The following RAB11FIP3 variants were observed in gnomAD, a reference collection of about 807,000 sequenced individuals.
The protein encoded by RAB11FIP3 is RAB11 family interacting protein 3.
RAB11FIP3 carries 17 observed loss-of-function variants against 77.8 expected under a neutral mutation model. The observed-to-expected ratio is 0.22, with a 90% CI of 0.15 to 0.33. The LOEUF (loss-of-function observed/expected upper bound fraction) is 0.33, where lower values mean the gene tolerates loss of function less well. Ranked by LOEUF, RAB11FIP3 falls within the 10% of genes least tolerant of loss-of-function variation. The pLI, the probability that RAB11FIP3 is intolerant of heterozygous loss-of-function variation, is 1.00. For synonymous variants in RAB11FIP3, 437 were observed against 448.2 expected, an observed-to-expected ratio of 0.98 and a Z score of 0.31; for missense variants, 1,005 against 1,011.2, an observed-to-expected ratio of 0.99 and a Z score of 0.08.
intron 1 of RAB11FIP3, among the ~76,000 whole-genome samples, chr16:454,906 G>C (rs148467884): frequency 3.6e-4 from 55 of 151,926 alleles, no homozygotes; most frequent in South Asian, 2.9e-3. Flanking sequence ...AAAAGTTAGC[G>C]AGGCGTGGTG....
At chr16:489,110 C>T (rs532401585) in intron 5 of RAB11FIP3, 110 bp downstream of exon 5, 394 of 1,285,990 alleles carry the variant, frequency 3.1e-4, no homozygotes, top group Middle Eastern at 2.0e-3. Flanking sequence ...CTTTCCTTGA[C>T]GTCATGTGAT....
rs2032703892 is a variant in RAB11FIP3 at position 521,809 on chromosome 16, T to G, written c.*970T>G. On this transcript the variant is annotated 3_prime_UTR_variant, in exon 14 of 14. Transcript: ENST00000262305. ...ATCGGGAACCCTGTTTTCTTCTGGG[T>G]GTGTCTCACTTAGAAATCGTGGTTC... 6.6e-6 allele frequency: 1 copy of G among 152,254 alleles called. No individual in the cohort carries two copies. The highest frequency in any genetic ancestry group is 1.5e-5 in the Non-Finnish European group (1 of 68,070). 9.4% of individuals were successfully genotyped at this position (152,254 alleles called of 1,614,324 possible). A position where few individuals can be genotyped will look rare whatever the true frequency, so the allele number is the denominator to read the frequency against.
chr16:482,397 T>C, intron 3 of RAB11FIP3, 128 bp from the exon 4 acceptor site: 1 of 856,460 alleles, frequency 1.2e-6, no homozygotes, highest in Non-Finnish European at 2.0e-6. Context: ...TAGAGACAGT[T>C]GGGACTTCAG....
chr16:469,679 C>T (rs1261576949), intron 2 of RAB11FIP3, among the ~76,000 whole-genome samples: 3 of 152,202 alleles, frequency 2.0e-5, no homozygotes, highest in Non-Finnish European at 4.4e-5. Context: ...CGTGAGCCAC[C>T]ACACCCGGCC....
Position 426,219 on chromosome 16 carries a change from C to G in RAB11FIP3, c.213C>G (p.Ser71Arg). ...GAAADGGARW[S>R]AGPAPGLEGG... Reference sequence around the variant, plus strand: ...CTGCAGATGGCGGGGCGCGTTGGAGCGCCGGGCCGGCCCCGGGGCTGGAGG... The same window carrying G: ...CTGCAGATGGCGGGGCGCGTTGGAGGGCCGGGCCGGCCCCGGGGCTGGAGG... Residue 71 changes from serine (S) to arginine (R), a missense_variant, in exon 1 of 14, where the codon AGC becomes AGG. This residue lies in a region of RAB11FIP3 where 466 missense variants were observed against 408.3 expected (regional missense o/e 1.14). Coordinates refer to ENST00000262305, the MANE Select transcript of RAB11FIP3 (RefSeq NM_014700.4). This position sits in a 1 kb window ranked among gnomAD's most constrained non-coding sequence, Gnocchi z 5.0. 9.8e-7 allele frequency: 1 copy of G among 1,024,550 alleles called. No individual in the cohort carries two copies. The highest frequency in any genetic ancestry group is 1.2e-6 in the Non-Finnish European group (1 of 857,528). 63.5% of individuals were successfully genotyped at this position (1,024,550 alleles called of 1,614,324 possible).
Position 471,643 on chromosome 16 carries a change from T to A in RAB11FIP3, c.903+254T>A, listed in dbSNP as rs1249359608. On this transcript the variant is annotated intron_variant, in intron 3 of 13. Transcript: ENST00000262305. This position sits in a 1 kb window ranked among gnomAD's most constrained non-coding sequence, Gnocchi z 4.4. Reference sequence around the variant, plus strand: ...TCGCCAGCAGAAGTGGGGTGGGCAGTGATGTCATGACCACCCGCTGCCAGG... The same window carrying A: ...TCGCCAGCAGAAGTGGGGTGGGCAGAGATGTCATGACCACCCGCTGCCAGG... 1.3e-5 allele frequency among the ~76,000 whole-genome samples: 2 copies of A among 152,074 alleles called. No individual in the cohort carries two copies. The highest frequency in any genetic ancestry group is 3.9e-4 in the East Asian group (2 of 5,174).
At chr16:469,955 G>A (rs2055780256) in intron 2 of RAB11FIP3, among the ~76,000 whole-genome samples, 1 of 152,122 alleles carries the variant, frequency 6.6e-6, no homozygotes, top group African/African-American at 2.4e-5. Flanking sequence ...GACTACAGGT[G>A]TGTCCCACAA....
intron 5 of RAB11FIP3, 78 bp downstream of exon 5, chr16:489,078 C>A: frequency 1.4e-6 from 2 of 1,444,728 alleles, no homozygotes; most frequent in South Asian, 2.6e-5. Flanking sequence ...CTTTTTGGTT[C>A]GTGCATTGGT....
intron 1 of RAB11FIP3, among the ~76,000 whole-genome samples, chr16:455,211 G>A (rs777591643): frequency 6.6e-6 from 1 of 151,714 alleles, no homozygotes; most frequent in Non-Finnish European, 1.5e-5. Context: ...CAGGCGCCAT[G>A]GCTCACGCCG....
chr16:492,539 C>CCGGGGAGACCCG (rs2030653420), intron 5 of RAB11FIP3, among the ~76,000 whole-genome samples: 1 of 151,758 alleles, frequency 6.6e-6, no homozygotes, highest in African/African-American at 2.4e-5. Context: ...CGAGGCCGTC[C>CCGGGGAGACCCG]AGAATCTTGG....
chr16:457,303 A>G (rs551131948), intron 1 of RAB11FIP3, among the ~76,000 whole-genome samples: 2 of 152,204 alleles, frequency 1.3e-5, no homozygotes, highest in African/African-American at 4.8e-5. Context: ...GAACAATGCA[A>G]TTTGTCAGTA....
Position 488,832 on chromosome 16 carries a change from T to TTTCTGTTTTACTTTGCAGG in RAB11FIP3, c.1116-18_1116dup. On this transcript the variant is annotated intron_variant, in intron 4 of 13. Coordinates refer to ENST00000262305, the MANE Select transcript of RAB11FIP3 (RefSeq NM_014700.4). ...CCTGGCCTTCAGTCAGAAGACATCA[T>TTTCTGTTTTACTTTGCAGG]TTCTGTTTTACTTTGCAGGCCTCAC... is the stretch of plus-strand genomic sequence containing the variant. 6.2e-7 allele frequency: 1 copy of TTTCTGTTTTACTTTGCAGG among 1,610,422 alleles called. No individual in the cohort carries two copies. The highest frequency in any genetic ancestry group is 8.5e-7 in the Non-Finnish European group (1 of 1,177,530).
chr16:519,556 G>A (rs1344992755), intron 10 of RAB11FIP3, among the ~76,000 whole-genome samples, 198 bp from the exon 11 acceptor site: 2 of 152,226 alleles, frequency 1.3e-5, no homozygotes, highest in Non-Finnish European at 2.9e-5. Context: ...CTGCGTGTGC[G>A]CCTCTACCCA....
chr16:519,054 C>T (rs776252452), intron 10 of RAB11FIP3, 30 bp downstream of exon 10: 84 of 1,605,850 alleles, frequency 5.2e-5, no homozygotes, highest in Non-Finnish European at 7.0e-5. Flanking sequence ...GAGCTGTGGC[C>T]AGTGGGGCCA....
At chr16:520,027 G>T in intron 11 of RAB11FIP3, 95 bp from the exon 12 acceptor site, 1 of 1,525,826 alleles carries the variant, frequency 6.6e-7, no homozygotes, top group Non-Finnish European at 8.8e-7. Flanking sequence ...CCCGAGAGAC[G>T]GCCAGATCAA....
At chr16:497,146 T>C (rs2031205959) in intron 6 of RAB11FIP3, 1 of 692,974 alleles carries the variant, frequency 1.4e-6, no homozygotes, top group African/African-American at 1.9e-5. Context: ...CATCCCCAGA[T>C]GTCTGCTCTA....
At chr16:508,096 A>G (rs1458950004) in intron 8 of RAB11FIP3, among the ~76,000 whole-genome samples, 2 of 152,260 alleles carry the variant, frequency 1.3e-5, no homozygotes, top group African/African-American at 2.4e-5. Flanking sequence ...AAGGGAGCAC[A>G]GGAGCCAGAT....
intron 7 of RAB11FIP3, among the ~76,000 whole-genome samples, chr16:504,192 TCCTTGTGCACCCCCTCA>T (rs1462872449): frequency 1.7e-3 from 108 of 62,830 alleles, no homozygotes; most frequent in Non-Finnish European, 2.3e-3. Flanking sequence ...CCCCCTCACC[TCCTTGTGCACCCCCTCA>T]CCTCCTGTAC....
At chr16:510,368 G>T in intron 8 of RAB11FIP3, 1 of 361,566 alleles carries the variant, frequency 2.8e-6, no homozygotes. Context: ...CCCTCTGAGT[G>T]CTGCGGTCCA....
Sources: gnomAD v4.1 joint callset for allele counts (sites outside exome capture counted in the v4.1 genomes callset) on GRCh38, gnomAD v4.1.1 for gene constraint, gnomAD v4.1.1 regional missense constraint, Gnocchi (gnomAD v3.1) non-coding constraint, MANE v1.5 for transcripts, NCBI Gene and HGNC (gene_info 2026-07-23, HGNC 2026-07-21) for gene names.